SBF2: variants seen among roughly 807,000 people sequenced by gnomAD.
SBF2 encodes the protein SET binding factor 2.
Under a neutral mutation model 225.2 loss-of-function variants are expected in SBF2, and 112 were observed. The ratio of observed to expected loss-of-function variants is 0.50; its 90% confidence interval spans 0.43 to 0.58. The LOEUF is 0.58. SBF2 is among the 20% of genes least tolerant of loss of function. SBF2 has a pLI of 0.00. For synonymous variants in SBF2, 763 were observed against 773.3 expected (o/e 0.99, Z 0.22); for missense variants, 1,996 against 2,206.2 (o/e 0.90, Z 1.91).
intron 1 of SBF2, among the ~76,000 whole-genome samples, chr11:10,207,446 T>C (rs1194353972): frequency 6.6e-6 from 1 of 152,086 alleles, no homozygotes; most frequent in South Asian, 2.1e-4. Context: ...TAAATACTTC[T>C]CCAGTCCAAT....
chr11:9,892,117 AT>A (rs1860875283), intron 17 of SBF2, among the ~76,000 whole-genome samples: 1 of 152,094 alleles, frequency 6.6e-6, no homozygotes, highest in African/African-American at 2.4e-5. Context: ...TTTAAAAAAA[AT>A]TATTTTTATT....
intron 17 of SBF2, among the ~76,000 whole-genome samples, chr11:9,887,001 A>C (rs959308229): frequency 2.0e-5 from 3 of 152,166 alleles, no homozygotes; most frequent in Admixed American, 6.5e-5. Flanking sequence ...ACGTGGTAGC[A>C]TAGGACATCA....
At chr11:10,018,301 G>A (rs1411198752) in intron 6 of SBF2, among the ~76,000 whole-genome samples, 3 of 151,984 alleles carry the variant, frequency 2.0e-5, no homozygotes, top group African/African-American at 7.3e-5. Flanking sequence ...GTTCAGTGAA[G>A]ACGAAAGACT....
At chr11:10,302,336 T>C (rs1964606373) in intron 1 of SBF2, among the ~76,000 whole-genome samples, 1 of 152,254 alleles carries the variant, frequency 6.6e-6, no homozygotes, top group Non-Finnish European at 1.5e-5. Context: ...CTCTAGCCCC[T>C]GCTACTCACC....
chr11:10,232,294 G>A lies in SBF2; in HGVS notation c.56-38307C>T, dbSNP rs375522495. Among the ~76,000 whole-genome samples the A allele has an allele frequency of 5.3e-5, 8 of 152,252 alleles. No individual in the cohort carries two copies. In the East Asian group the frequency reaches 9.7e-4, roughly 18 times the overall value. On this transcript the variant is annotated intron_variant, in intron 1 of 39. Coordinates refer to ENST00000256190, the MANE Select transcript of SBF2 (RefSeq NM_030962.4). ...CCTCGTGCTGCTTCAGCTCACGCTC[G>A]GTGCGCTGCACCCACTATCCTGCAC...
At chr11:9,838,536 ATGTT>A (rs1855883838) in intron 26 of SBF2, 1 of 152,198 alleles carries the variant, frequency 6.6e-6, no homozygotes, top group Admixed American at 6.5e-5. Flanking sequence ...TTCATGCAAA[ATGTT>A]TATTTGGCCA....
At chr11:9,962,500 A>T (rs983636408) in intron 15 of SBF2, among the ~76,000 whole-genome samples, 2 of 152,232 alleles carry the variant, frequency 1.3e-5, no homozygotes, top group African/African-American at 4.8e-5. Flanking sequence ...TAAAACAATA[A>T]GAAATACAAG....
At chr11:10,028,962 G>C (rs1949151550) in intron 5 of SBF2, among the ~76,000 whole-genome samples, 1 of 151,892 alleles carries the variant, frequency 6.6e-6, no homozygotes, top group South Asian at 2.1e-4. Flanking sequence ...GAGAGACAGA[G>C]AAAAAAGGAG....
chr11:10,207,668 G>C (rs1037096320), intron 1 of SBF2, among the ~76,000 whole-genome samples: 2 of 152,002 alleles, frequency 1.3e-5, no homozygotes, highest in Non-Finnish European at 2.9e-5. Context: ...AACTTAATCT[G>C]AGTATGACCC....
intron 2 of SBF2, among the ~76,000 whole-genome samples, chr11:10,090,931 C>T (rs1483979500): frequency 6.6e-6 from 1 of 152,084 alleles, no homozygotes; most frequent in Admixed American, 6.6e-5. Flanking sequence ...CAAGGAGTTT[C>T]TACTATAAAA....
intron 2 of SBF2, among the ~76,000 whole-genome samples, chr11:10,047,790 A>G (rs1227934698): frequency 6.6e-6 from 1 of 152,184 alleles, no homozygotes; most frequent in African/African-American, 2.4e-5. Flanking sequence ...TTAATTAGCA[A>G]ATCAGTAAAA....
intron 19 of SBF2, among the ~76,000 whole-genome samples, chr11:9,854,178 T>C (rs150564990): frequency 3.2e-4 from 48 of 152,290 alleles, no homozygotes; most frequent in African/African-American, 1.1e-3. Flanking sequence ...TAAGAGAATT[T>C]TTCTCAGCAA....
At chr11:9,956,113 TTC>T (rs1277815291) in intron 16 of SBF2, among the ~76,000 whole-genome samples, 2 of 152,306 alleles carry the variant, frequency 1.3e-5, no homozygotes, top group Non-Finnish European at 2.9e-5. Flanking sequence ...TTCATTTATT[TTC>T]TCTGATATAT....
At chr11:10,192,841 C>A (rs947289586) in intron 2 of SBF2, among the ~76,000 whole-genome samples, 1 of 152,068 alleles carries the variant, frequency 6.6e-6, no homozygotes, top group African/African-American at 2.4e-5. Context: ...TATGTGTGTG[C>A]ATATCCATAA....
intron 2 of SBF2, among the ~76,000 whole-genome samples, chr11:10,172,732 T>C (rs1190871749): frequency 6.7e-6 from 1 of 149,738 alleles, no homozygotes; most frequent in Non-Finnish European, 1.5e-5. Flanking sequence ...AGTGGCGCCA[T>C]CTTGGCTCAC....
chr11:9,867,848 C>T (rs1205058135), intron 17 of SBF2, among the ~76,000 whole-genome samples: 2 of 152,060 alleles, frequency 1.3e-5, no homozygotes, highest in Non-Finnish European at 2.9e-5. Context: ...ATGATGGTTC[C>T]AAGAAGCTGG....
chr11:10,260,433 C>T lies in SBF2; in HGVS notation c.55+33582G>A, dbSNP rs190420333. 1.4e-4 allele frequency among the ~76,000 whole-genome samples: 22 copies of T among 151,762 alleles called. No homozygotes were observed. The East Asian group carries it at 3.7e-3, about 25-fold the overall frequency. ...ACCCCATCTCTACAAAAAAAATTTA[C>T]AGGTCGGGCACGGTGGCTCACGCCT... On this transcript the variant is annotated intron_variant, in intron 1 of 39. Transcript: ENST00000256190.
At chr11:9,869,186 T>G (rs893274753) in intron 17 of SBF2, among the ~76,000 whole-genome samples, 1 of 152,232 alleles carries the variant, frequency 6.6e-6, no homozygotes. Flanking sequence ...ACCAATTAGT[T>G]TGGTTTTTAA....
At chr11:9,852,588 G>C (rs1187857749) in intron 21 of SBF2, 88 bp downstream of exon 21, 4 of 945,344 alleles carry the variant, frequency 4.2e-6, no homozygotes, top group Non-Finnish European at 7.0e-6. Flanking sequence ...TCAAAGGTTA[G>C]GTGAACATCC....
Sources: gnomAD v4.1 joint callset for allele counts (sites outside exome capture counted in the v4.1 genomes callset) on GRCh38, gnomAD v4.1.1 for gene constraint, MANE v1.5 for transcripts, NCBI Gene and HGNC (gene_info 2026-07-23, HGNC 2026-07-21) for gene names.